PRKACB: variants seen among roughly 807,000 people sequenced by gnomAD.
PRKACB encodes cAMP-dependent protein kinase catalytic subunit beta.
A neutral mutation model predicts 51.4 loss-of-function variants in PRKACB; 16 were observed. The observed-to-expected ratio is 0.31, with a 90% CI of 0.21 to 0.47. The LOEUF (loss-of-function observed/expected upper bound fraction) is 0.47. Among genes scored for constraint, PRKACB ranks in the 20% least tolerant of loss-of-function variants. The pLI is 1.00. For synonymous variants in PRKACB, 147 were observed against 154.4 expected (o/e 0.95, Z 0.35); for missense variants, 309 against 464.5 (o/e 0.67, Z 3.08).
At chr1:84,108,668 A>C (rs1356510245) in intron 1 of PRKACB, among the ~76,000 whole-genome samples, 2 of 152,026 alleles carry the variant, frequency 1.3e-5, no homozygotes, top group South Asian at 4.1e-4. Context: ...ACTGATGCCC[A>C]TAGTTGTTAA....
chr1:84,091,262 C>T (rs968663538), intron 1 of PRKACB, among the ~76,000 whole-genome samples: 3 of 152,244 alleles, frequency 2.0e-5, no homozygotes, highest in Non-Finnish European at 4.4e-5. Flanking sequence ...AATCAGGTTA[C>T]AGAGAACTTA....
chr1:84,177,520 C>G (rs1410031592), intron 1 of PRKACB, among the ~76,000 whole-genome samples: 2 of 152,014 alleles, frequency 1.3e-5, no homozygotes, highest in Admixed American at 6.6e-5. Flanking sequence ...CCAGAAAGTT[C>G]ACTTGAGCTC....
chr1:84,162,051 A>G (rs1656263143), intron 1 of PRKACB, among the ~76,000 whole-genome samples: 1 of 151,864 alleles, frequency 6.6e-6, no homozygotes, highest in South Asian at 2.1e-4. Context: ...TTATTTTTGG[A>G]GGATAATTTT....
At chr1:84,091,100 TG>T (rs1364046639) in intron 1 of PRKACB, among the ~76,000 whole-genome samples, 1 of 152,148 alleles carries the variant, frequency 6.6e-6, no homozygotes. Flanking sequence ...TAAAGTGAAC[TG>T]GCCTGTGATT....
At chr1:84,215,235 A>G (rs1672719963) in intron 9 of PRKACB, among the ~76,000 whole-genome samples, 1 of 152,180 alleles carries the variant, frequency 6.6e-6, no homozygotes, top group Non-Finnish European at 1.5e-5. Context: ...TTATTTATTC[A>G]CGTAAGATTT....
intron 1 of PRKACB, among the ~76,000 whole-genome samples, chr1:84,171,508 T>C (rs1659459808): frequency 6.6e-6 from 1 of 151,672 alleles, no homozygotes; most frequent in South Asian, 2.1e-4. Flanking sequence ...TTCAATCTTG[T>C]ATGGAATTTT....
rs184045678 is a variant in PRKACB at position 84,105,777 on chromosome 1, C to T, written c.46+27406C>T. Among the ~76,000 whole-genome samples, 291 of 151,986 alleles carry T rather than the reference C, an allele frequency of 1.9e-3. 1 individual carries two copies. The highest frequency in any genetic ancestry group is 0.016 in the South Asian group (76 of 4,812). ...CTTTTTAGGAGAGATGGGATTTTGA[C>T]GTATTGGTCAGGCTGATCTCGAACT... On this transcript the variant is annotated intron_variant, in intron 1 of 8. Coordinates refer to the PRKACB transcript ENST00000370688.
intron 1 of PRKACB, among the ~76,000 whole-genome samples, chr1:84,154,413 C>A (rs1027706814): frequency 6.6e-6 from 1 of 152,020 alleles, no homozygotes; most frequent in Middle Eastern, 3.2e-3. Context: ...GACTCTTAAT[C>A]AGTAATCAAA....
chr1:84,238,201 T>G lies in PRKACB; in HGVS notation c.*2896T>G, dbSNP rs1053354377. The G allele has an allele frequency of 3.3e-5, 5 of 152,528 alleles. No individual in the cohort carries two copies. Among genetic ancestry groups the G allele is most frequent in the Non-Finnish European group, 7.4e-5 (5 of 67,992 alleles). 9.4% of individuals were successfully genotyped at this position (152,528 alleles called of 1,614,324 possible). On this transcript the variant is annotated 3_prime_UTR_variant, in exon 10 of 10. Coordinates refer to ENST00000370685, the MANE Select transcript of PRKACB (RefSeq NM_182948.4). ...GTATTGCTGTCTCATTCTTGGTATATTCTTGTGTTAACTGCCCATTGGCCT... is the reference window on the plus strand; with the variant it reads ...GTATTGCTGTCTCATTCTTGGTATAGTCTTGTGTTAACTGCCCATTGGCCT...
chr1:84,122,697 C>T (rs750530426), intron 1 of PRKACB, among the ~76,000 whole-genome samples: 12 of 151,804 alleles, frequency 7.9e-5, no homozygotes, highest in South Asian at 2.1e-4. Context: ...ATTAAAAGGA[C>T]GTTTTGGAAT....
chr1:84,217,517 A>C (rs1384583068), intron 9 of PRKACB, among the ~76,000 whole-genome samples: 1 of 151,766 alleles, frequency 6.6e-6, no homozygotes, highest in Non-Finnish European at 1.5e-5. Flanking sequence ...AAAACAGGCC[A>C]GGTGCAGTGG....
intron 8 of PRKACB, among the ~76,000 whole-genome samples, chr1:84,213,750 G>A (rs938984573): frequency 6.6e-6 from 1 of 152,104 alleles, no homozygotes; most frequent in Non-Finnish European, 1.5e-5. Context: ...TTCATATGCT[G>A]GTTCTTCTAT....
chr1:84,215,118 T>C (rs1160240306), intron 9 of PRKACB, among the ~76,000 whole-genome samples: 1 of 152,262 alleles, frequency 6.6e-6, no homozygotes, highest in African/African-American at 2.4e-5. Context: ...TTTATCCATT[T>C]GAAAGCTAAT....
At chr1:84,114,189 T>C (rs1650448652) in intron 1 of PRKACB, among the ~76,000 whole-genome samples, 1 of 152,066 alleles carries the variant, frequency 6.6e-6, no homozygotes, top group African/African-American at 2.4e-5. Flanking sequence ...TACTGGAAAC[T>C]AGAAATAACC....
At chr1:84,128,007 CTTTT>C (rs10537848) in intron 1 of PRKACB, among the ~76,000 whole-genome samples, 10 of 105,404 alleles carry the variant, frequency 9.5e-5, no homozygotes, top group African/African-American at 3.2e-4. Flanking sequence ...CTTTTTTTTT[CTTTT>C]TTTTTTTTTT....
At chr1:84,107,307 C>T (rs1376607864) in intron 1 of PRKACB, among the ~76,000 whole-genome samples, 1 of 152,042 alleles carries the variant, frequency 6.6e-6, no homozygotes, top group African/African-American at 2.4e-5. Flanking sequence ...AACTGGACCC[C>T]TTCCTTATAC....
chr1:84,129,387 A>AATG, intron 1 of PRKACB, among the ~76,000 whole-genome samples: 1 of 152,264 alleles, frequency 6.6e-6, no homozygotes, highest in East Asian at 1.9e-4. Flanking sequence ...TCATATTAAT[A>AATG]ATGACACCAT....
intron 8 of PRKACB, chr1:84,204,347 G>T: frequency 3.4e-6 from 2 of 593,284 alleles, no homozygotes; most frequent in Non-Finnish European, 6.0e-6. Context: ...TGAATGCTGT[G>T]CACTGATAAA....
chr1:84,232,703 A>T (rs528793739), intron 9 of PRKACB, among the ~76,000 whole-genome samples: 1 of 151,896 alleles, frequency 6.6e-6, no homozygotes, highest in Admixed American at 6.6e-5. Context: ...TGTTGGTTTA[A>T]AGTCTGTTTT....
Sources: gnomAD v4.1 joint callset for allele counts (sites outside exome capture counted in the v4.1 genomes callset) on GRCh38, gnomAD v4.1.1 for gene constraint, MANE v1.5 for transcripts, NCBI Gene and HGNC (gene_info 2026-07-23, HGNC 2026-07-21) for gene names.